Variants in FHIT observed in about 807,000 individuals in gnomAD.
FHIT encodes bis(5'-adenosyl)-triphosphatase.
A neutral mutation model predicts 17.9 loss-of-function variants in FHIT; 19 were observed. The ratio of observed to expected loss-of-function variants is 1.06; its 90% CI spans 0.74 to 1.56. FHIT has a LOEUF of 1.56. Among genes scored for constraint, FHIT ranks in the 40% most tolerant of loss-of-function variants. The pLI is 0.00. For synonymous variants in FHIT, 81 were observed against 69.7 expected, an observed-to-expected ratio of 1.16 and a Z score of -0.81; for missense variants, 248 against 189.2, an observed-to-expected ratio of 1.31 and a Z score of -1.82.
intron 5 of FHIT, among the ~76,000 whole-genome samples, chr3:60,166,532 G>A (rs1318210929): frequency 6.6e-6 from 1 of 152,158 alleles, no homozygotes; most frequent in African/African-American, 2.4e-5. Context: ...GATTCACCCT[G>A]AAAGTAAGGT....
At chr3:60,618,799 A>G (rs72889638) in intron 4 of FHIT, among the ~76,000 whole-genome samples, 2,054 of 152,270 alleles carry the variant, frequency 0.013, 57 homozygotes, top group African/African-American at 0.048. Context: ...GAAGGAGGCA[A>G]AAGAGGTCAG....
intron 5 of FHIT, among the ~76,000 whole-genome samples, chr3:60,087,450 C>G (rs1188928883): frequency 6.6e-6 from 1 of 152,186 alleles, no homozygotes; most frequent in Admixed American, 6.5e-5. Context: ...AATGGCCAGG[C>G]TGCAAATTTT....
intron 5 of FHIT, among the ~76,000 whole-genome samples, chr3:60,476,688 C>T (rs2033360728): frequency 6.6e-6 from 1 of 152,116 alleles, no homozygotes; most frequent in Admixed American, 6.6e-5. Flanking sequence ...GAGCGAGACA[C>T]ACCTGACTGA....
intron 5 of FHIT, among the ~76,000 whole-genome samples, chr3:60,443,201 C>A (rs2031048195): frequency 1.3e-5 from 2 of 152,172 alleles, no homozygotes; most frequent in African/African-American, 2.4e-5. Flanking sequence ...TCTAGATATA[C>A]AATCATGTCA....
chr3:60,522,512 G>A (rs111269224), intron 5 of FHIT, among the ~76,000 whole-genome samples: 2 of 152,316 alleles, frequency 1.3e-5, no homozygotes, highest in East Asian at 3.9e-4. Flanking sequence ...AGGATGGATA[G>A]TGGTAGACTG....
At chr3:60,136,376 G>C (rs1699818688) in intron 5 of FHIT, among the ~76,000 whole-genome samples, 1 of 152,112 alleles carries the variant, frequency 6.6e-6, no homozygotes. Flanking sequence ...CAGTTCTGTG[G>C]AACTGTGCAA....
chr3:59,799,407 T>G (rs1699906079), intron 8 of FHIT, among the ~76,000 whole-genome samples: 1 of 114,132 alleles, frequency 8.8e-6, no homozygotes, highest in Non-Finnish European at 2.0e-5. Context: ...GTTTGGTTTC[T>G]CAAGGCCTGT....
chr3:60,539,026 T>TG (rs759906087), intron 4 of FHIT, among the ~76,000 whole-genome samples: 1 of 152,048 alleles, frequency 6.6e-6, no homozygotes, highest in East Asian at 1.9e-4. Context: ...GGGAGAAAAT[T>TG]TTTGCAATCT....
At chr3:59,814,074 A>ACACACACACACACC (rs761314894) in intron 8 of FHIT, among the ~76,000 whole-genome samples, 2 of 151,746 alleles carry the variant, frequency 1.3e-5, no homozygotes, top group South Asian at 2.1e-4. Context: ...ACACACACAC[A>ACACACACACACACC]CCCGACGGTG....
At chr3:60,367,243 CATT>C (rs1700144180) in intron 5 of FHIT, among the ~76,000 whole-genome samples, 1 of 152,184 alleles carries the variant, frequency 6.6e-6, no homozygotes, top group African/African-American at 2.4e-5. Context: ...GCTGCCTGGA[CATT>C]CAAACCCAAA....
At chr3:60,357,565 C>T (rs1699726600) in intron 5 of FHIT, among the ~76,000 whole-genome samples, 1 of 152,016 alleles carries the variant, frequency 6.6e-6, no homozygotes, top group African/African-American at 2.4e-5. Context: ...TTCAATGGGT[C>T]CCAACACATT....
intron 5 of FHIT, among the ~76,000 whole-genome samples, chr3:60,121,716 AC>A (rs1559651224): frequency 3.3e-5 from 3 of 89,988 alleles, no homozygotes; most frequent in East Asian, 2.1e-3. Context: ...ACAAACACAC[AC>A]ACACACACAC....
chr3:59,831,871 C>T (rs763213657), intron 8 of FHIT, among the ~76,000 whole-genome samples: 5 of 152,084 alleles, frequency 3.3e-5, no homozygotes, highest in Non-Finnish European at 7.3e-5. Flanking sequence ...GGGTATTGCT[C>T]CCCTTTCACT....
intron 5 of FHIT, among the ~76,000 whole-genome samples, chr3:60,343,825 T>C (rs958851509): frequency 1.3e-5 from 2 of 152,206 alleles, no homozygotes; most frequent in Non-Finnish European, 2.9e-5. Context: ...TCTTAATTTT[T>C]GACAGAAACT....
intron 3 of FHIT, among the ~76,000 whole-genome samples, chr3:60,948,785 T>C: frequency 6.6e-6 from 1 of 152,182 alleles, no homozygotes; most frequent in East Asian, 1.9e-4. Context: ...AATCAGCCCC[T>C]GCAGAAATGA....
intron 5 of FHIT, among the ~76,000 whole-genome samples, chr3:60,453,853 A>G (rs941333813): frequency 2.0e-5 from 3 of 152,200 alleles, no homozygotes; most frequent in African/African-American, 7.2e-5. Context: ...GCATGCTAAT[A>G]AGAACACTGA....
At chr3:60,506,457 C>T (rs1379461917) in intron 5 of FHIT, among the ~76,000 whole-genome samples, 1 of 152,170 alleles carries the variant, frequency 6.6e-6, no homozygotes, top group African/African-American at 2.4e-5. Flanking sequence ...AATCATTTGT[C>T]TGAAAATCTC....
At chr3:59,778,270 C>T (rs1232445832) in intron 8 of FHIT, among the ~76,000 whole-genome samples, 1 of 152,100 alleles carries the variant, frequency 6.6e-6, no homozygotes, top group African/African-American at 2.4e-5. Context: ...ATCCTATAGT[C>T]AGTGGGAGGG....
At chr3:60,124,094 C>T in intron 5 of FHIT, among the ~76,000 whole-genome samples, 1 of 122,218 alleles carries the variant, frequency 8.2e-6, no homozygotes, top group African/African-American at 3.2e-5. Context: ...ACTCTGTTGC[C>T]CAGACTGGAG....
Sources: gnomAD v4.1 joint callset for allele counts (sites outside exome capture counted in the v4.1 genomes callset) on GRCh38, gnomAD v4.1.1 for gene constraint, MANE v1.5 for transcripts, NCBI Gene and HGNC (gene_info 2026-07-23, HGNC 2026-07-21) for gene names.